GLOD5: variants seen among roughly 807,000 people sequenced by gnomAD.
The protein encoded by GLOD5 is glyoxalase domain-containing protein 5.
GLOD5 carries 7 observed loss-of-function variants against 9.9 expected under a neutral mutation model. That is an observed-to-expected ratio of 0.71 (90% CI 0.40 to 1.33). The LOEUF (loss-of-function observed/expected upper bound fraction) is 1.33. Among genes scored for constraint, GLOD5 ranks in the 40% most tolerant of loss-of-function variants. The pLI is 0.01. For synonymous variants in GLOD5, 49 were observed against 47.3 expected, an observed-to-expected ratio of 1.04 and a Z score of -0.14; for missense variants, 146 against 128.4, an observed-to-expected ratio of 1.14 and a Z score of -0.66.
chrX:48,771,185 C>T, intron 3 of GLOD5, 103 bp downstream of exon 3: 6 of 564,013 alleles, frequency 1.1e-5, no homozygotes, highest in Non-Finnish European at 1.6e-5. Flanking sequence ...CAGATAATGT[C>T]TGCACACAGT....
intron 3 of GLOD5, 79 bp from the exon 4 acceptor site, chrX:48,773,229 CAA>C (rs374553814): frequency 6.7e-3 from 5,816 of 863,906 alleles, no homozygotes; most frequent in East Asian, 7.3e-3. Flanking sequence ...GACTCTGTCA[CAA>C]AAAAAAAAAA....
intron 2 of GLOD5, among the ~76,000 whole-genome samples, chrX:48,770,130 C>A (rs2062618687): frequency 9.1e-6 from 1 of 110,079 alleles, no homozygotes; most frequent in Non-Finnish European, 1.9e-5. Flanking sequence ...TAAAAATTAG[C>A]TGGGCATGGT....
chrX:48,764,206 T>C (rs2062603336), intron 1 of GLOD5, among the ~76,000 whole-genome samples: 1 of 111,617 alleles, frequency 9.0e-6, no homozygotes, highest in African/African-American at 3.3e-5. Context: ...CATTACCATC[T>C]GCAAAGGCCC....
chrX:48,766,107 C>A, intron 2 of GLOD5, 135 bp downstream of exon 2: 1 of 559,107 alleles, frequency 1.8e-6, no homozygotes, highest in Non-Finnish European at 2.9e-6. Flanking sequence ...GAGGAGATTC[C>A]AAACTGAATA....
At position 48,773,595 on chromosome X, in the gene GLOD5, A is replaced by G; in HGVS notation, c.*160A>G. ...CCAAGACAGGTTTGGGACCAAACCT[A>G]CATGTCTGTATGTCATCAAAGTTGG... On this transcript the variant is annotated 3_prime_UTR_variant, in exon 4 of 4. Coordinates refer to ENST00000303227, the MANE Select transcript of GLOD5 (RefSeq NM_001080489.3). 5.9e-6 allele frequency: 3 copies of G among 506,105 alleles called. No individual in the cohort carries two copies. Among genetic ancestry groups the G allele is most frequent in the Non-Finnish European group, 6.5e-6 (2 of 307,735 alleles). The allele number at this position is 506,105 out of a possible 1,213,427, so 41.7% of individuals were successfully genotyped here. A position where few individuals can be genotyped will look rare whatever the true frequency, so the allele number is the denominator to read the frequency against.
chrX:48,767,141 A>C lies in GLOD5; in HGVS notation c.201+1169A>C, dbSNP rs926867658. Among the ~76,000 whole-genome samples, 4 of 107,238 alleles carry C rather than the reference A, an allele frequency of 3.7e-5. No individual in the cohort carries two copies. The East Asian group carries it at 8.7e-4, about 23-fold the overall frequency. 93.1% of individuals were successfully genotyped at this position (107,238 alleles called of 115,157 possible). A position where few individuals can be genotyped will look rare whatever the true frequency, so the allele number is the denominator to read the frequency against. ...TTGGAACAGGTGTAAGAAAGACCCCAGGAAAGACAGATCCAAGGGGAAAAA... is the reference window on the plus strand; with the variant it reads ...TTGGAACAGGTGTAAGAAAGACCCCCGGAAAGACAGATCCAAGGGGAAAAA... On this transcript the variant is annotated intron_variant, in intron 2 of 3. Coordinates refer to ENST00000303227, the MANE Select transcript of GLOD5 (RefSeq NM_001080489.3).
chrX:48,772,309 G>A (rs1331300062), intron 3 of GLOD5, among the ~76,000 whole-genome samples: 1 of 110,907 alleles, frequency 9.0e-6, no homozygotes, highest in Non-Finnish European at 1.9e-5. Flanking sequence ...GCCAAGGAGG[G>A]AGGATCACTT....
Position 48,770,986 on chromosome X carries a change from G to A in GLOD5, c.261G>A (p.Lys87=), listed in dbSNP as rs1030856138. The change falls in exon 3 of 4, where the codon AAG becomes AAA. Residue 87 remains lysine, a synonymous_variant. Coordinates refer to ENST00000303227, the MANE Select transcript of GLOD5 (RefSeq NM_001080489.3). ...AATTTAACCTCCACGAGGTGGGAAA[G>A]GAATTTGAACCCAAAGCCGCTCACC... ...DQKFNLHEVG[K]EFEPKAAHPV... The A allele has an allele frequency of 8.3e-7, 1 of 1,202,369 alleles. No individual in the cohort carries two copies.
intron 3 of GLOD5, among the ~76,000 whole-genome samples, chrX:48,771,461 G>A (rs2062622193): frequency 1.8e-5 from 2 of 109,426 alleles, no homozygotes; most frequent in Non-Finnish European, 3.8e-5. Flanking sequence ...TACTACAGGT[G>A]CGTGCCACCA....
At chrX:48,762,623 G>A (rs1217557909) in intron 1 of GLOD5, among the ~76,000 whole-genome samples, 1 of 109,430 alleles carries the variant, frequency 9.1e-6, no homozygotes, top group African/African-American at 3.3e-5. Flanking sequence ...TTTTAATAGA[G>A]ACAGGATTTC....
Position 48,765,921 on chromosome X carries a change from C to T in GLOD5, c.150C>T (p.Asp50=). The change falls in exon 2 of 4, where the codon GAC becomes GAT. Residue 50 remains aspartate, a synonymous_variant. Transcript: ENST00000303227. ...TGATGACGGTGAAGAGCATCAAAGA[C>T]ACCACCATGTTTTATTCCAAGATCC... The part of the protein sequence containing the change: ...HIVMTVKSIK[D]TTMFYSKILG... The T allele has an allele frequency of 8.3e-7, 1 of 1,205,505 alleles. No homozygotes were observed. The highest frequency in any genetic ancestry group is 1.8e-5 in the South Asian group (1 of 55,709).
In GLOD5 at chrX:48,771,872, GGA is replaced by G. The variant is rs782666326; in HGVS notation, c.357+794_357+795del. 7.2e-5 allele frequency among the ~76,000 whole-genome samples: 8 copies of G among 111,600 alleles called. No homozygotes were observed. The South Asian group carries it at 3.0e-3, about 42-fold the overall frequency. The stretch of plus-strand genomic sequence containing the variant: ...TAAAAAGAAGGACTGAAAGAAGATT[GGA>G]GAGGGAATAATTTCTGATTTGTTGT... On this transcript the variant is annotated intron_variant, in intron 3 of 3. Transcript: ENST00000303227.
In GLOD5 at chrX:48,770,876, T is replaced by C. The variant is rs2062620484; in HGVS notation, c.202-51T>C. 3.0e-6 allele frequency: 3 copies of C among 1,006,488 alleles called. No homozygotes were observed. The Admixed American group carries it at 1.0e-4, about 34-fold the overall frequency. 82.9% of individuals were successfully genotyped at this position (1,006,488 alleles called of 1,213,427 possible). A position where few individuals can be genotyped will look rare whatever the true frequency, so the allele number is the denominator to read the frequency against. On this transcript the variant is annotated intron_variant, in intron 2 of 3. Transcript: ENST00000303227. ...GTGGAAAGGCTTCATCTCACACTCA[T>C]CTTGGAGGTTTAATTCTAGGCTGTT...
At chrX:48,772,593 G>C (rs1227504607) in intron 3 of GLOD5, among the ~76,000 whole-genome samples, 1 of 110,870 alleles carries the variant, frequency 9.0e-6, no homozygotes, top group Non-Finnish European at 1.9e-5. Context: ...CACGGATTGA[G>C]GTCTTATATA....
chrX:48,773,161 C>T (rs782290773), intron 3 of GLOD5, 149 bp from the exon 4 acceptor site: 42 of 577,276 alleles, frequency 7.3e-5, no homozygotes, highest in South Asian at 3.4e-4. Flanking sequence ...TAGGAGGCAG[C>T]GGAGGTTGCA....
chrX:48,763,598 TAGG>T (rs2062601828), intron 1 of GLOD5, among the ~76,000 whole-genome samples: 1 of 111,274 alleles, frequency 9.0e-6, no homozygotes, highest in Non-Finnish European at 1.9e-5. Context: ...GAGGCTGAAG[TAGG>T]AGGATTGCTT....
chrX:48,765,145 C>A (rs1191741378), intron 1 of GLOD5, among the ~76,000 whole-genome samples: 1 of 110,436 alleles, frequency 9.1e-6, no homozygotes, highest in Non-Finnish European at 1.9e-5. Context: ...GTAAAATTGG[C>A]CAATTCACAG....
At chrX:48,763,768 C>T (rs1416718931) in intron 1 of GLOD5, among the ~76,000 whole-genome samples, 6 of 112,202 alleles carry the variant, frequency 5.3e-5, no homozygotes, top group Non-Finnish European at 9.4e-5. Context: ...GCCAAAATGT[C>T]GGTCATTTTC....
intron 2 of GLOD5, among the ~76,000 whole-genome samples, chrX:48,770,252 G>A (rs2062618871): frequency 9.2e-6 from 1 of 108,390 alleles, no homozygotes; most frequent in African/African-American, 3.4e-5. Flanking sequence ...TCCAGCCTGG[G>A]CAACAGAGCA....
Sources: allele counts gnomAD v4.1 joint callset (sites outside exome capture counted in the v4.1 genomes callset), GRCh38; gene constraint gnomAD v4.1.1; transcripts MANE v1.5; gene names NCBI Gene and HGNC (gene_info 2026-07-23, HGNC 2026-07-21).